ANKRD17: variants seen among roughly 807,000 people sequenced by gnomAD.
The protein encoded by ANKRD17 is ankyrin repeat domain 17.
A neutral mutation model predicts 229.7 loss-of-function variants in ANKRD17; 19 were observed. The ratio of observed to expected loss-of-function variants is 0.08; its 90% CI spans 0.06 to 0.12. The LOEUF (loss-of-function observed/expected upper bound fraction) is 0.12. ANKRD17 is among the 10% of genes least tolerant of loss of function. The pLI, the probability that ANKRD17 is intolerant of heterozygous loss-of-function variation, is 1.00. For synonymous variants in ANKRD17, 1,112 were observed against 1,146.1 expected, an observed-to-expected ratio of 0.97 and a Z score of 0.60; for missense variants, 2,176 against 3,176.8, an observed-to-expected ratio of 0.68 and a Z score of 7.57.
chr4:73,124,798 T>C, intron 18 of ANKRD17, 115 bp downstream of exon 18: 3 of 1,288,002 alleles, frequency 2.3e-6, no homozygotes, highest in Non-Finnish European at 3.2e-6. Flanking sequence ...TAGTTTCAGT[T>C]ATTGTGAGAA....
intron 1 of ANKRD17, among the ~76,000 whole-genome samples, chr4:73,195,127 AT>A (rs546063849): frequency 1.4e-4 from 22 of 152,006 alleles, no homozygotes; most frequent in Admixed American, 4.6e-4. Flanking sequence ...TGTGATTATA[AT>A]TTTTTTTCTT....
Position 73,079,011 on chromosome 4 carries a change from A to G in ANKRD17, c.7160-121T>C, listed in dbSNP as rs1721287302. The G allele has an allele frequency of 2.1e-5, 25 of 1,196,546 alleles. 1 individual carries two copies. In the South Asian group the frequency reaches 2.5e-4, roughly 12 times the overall value. The allele number at this position is 1,196,546 out of a possible 1,614,324, so 74.1% of individuals were successfully genotyped here. A position where few individuals can be genotyped will look rare whatever the true frequency, so the allele number is the denominator to read the frequency against. The stretch of plus-strand genomic sequence containing the variant: ...ATATTCTCAGAAAAACAAAGTGTAA[A>G]AATAATACTTAAAAATGATGCATAT... On this transcript the variant is annotated intron_variant, in intron 30 of 33. Coordinates refer to ENST00000358602, the MANE Select transcript of ANKRD17 (RefSeq NM_032217.5).
chr4:73,216,461 GCTCA>G (rs1560741301), intron 1 of ANKRD17, among the ~76,000 whole-genome samples: 3 of 152,104 alleles, frequency 2.0e-5, no homozygotes, highest in Non-Finnish European at 4.4e-5. Flanking sequence ...AATCCCTGAC[GCTCA>G]AATTTTCCTG....
At chr4:73,206,606 G>A (rs1339375429) in intron 1 of ANKRD17, among the ~76,000 whole-genome samples, 1 of 152,146 alleles carries the variant, frequency 6.6e-6, no homozygotes, top group Admixed American at 6.5e-5. Flanking sequence ...CTTATATGTA[G>A]AATCTAAAAA....
chr4:73,218,155 A>G (rs1741339032), intron 1 of ANKRD17, among the ~76,000 whole-genome samples: 1 of 152,254 alleles, frequency 6.6e-6, no homozygotes, highest in Admixed American at 6.5e-5. Context: ...AGATTTGCAT[A>G]AAAGTGACAA....
At chr4:73,201,417 AAAT>A (rs1180319536) in intron 1 of ANKRD17, among the ~76,000 whole-genome samples, 1 of 152,110 alleles carries the variant, frequency 6.6e-6, no homozygotes, top group Admixed American at 6.5e-5. Flanking sequence ...ACAATCACCA[AAAT>A]AATGATTTTC....
intron 24 of ANKRD17, chr4:73,103,972 T>G (rs1724310098): frequency 6.6e-6 from 1 of 152,164 alleles, no homozygotes; most frequent in South Asian, 2.1e-4. Context: ...CCACCAGGTT[T>G]TTACACCCTG....
At chr4:73,186,850 G>A (rs187902428) in intron 1 of ANKRD17, among the ~76,000 whole-genome samples, 1 of 152,174 alleles carries the variant, frequency 6.6e-6, no homozygotes, top group African/African-American at 2.4e-5. Context: ...ATCAATAGTA[G>A]GATGCAATTC....
At chr4:73,250,608 A>AAAAAAAAAAAAAAAG (rs1361325726) in intron 1 of ANKRD17, among the ~76,000 whole-genome samples, 1 of 149,238 alleles carries the variant, frequency 6.7e-6, no homozygotes, top group African/African-American at 2.5e-5. Context: ...AAAAAAAAAA[A>AAAAAAAAAAAAAAAG]AAAAAAACAG....
intron 25 of ANKRD17, 34 bp downstream of exon 25, chr4:73,102,342 T>C (rs999060803): frequency 6.4e-7 from 1 of 1,559,992 alleles, no homozygotes; most frequent in Non-Finnish European, 8.6e-7. Context: ...AACTAGAATA[T>C]AAAACAAATG....
At position 73,160,826 on chromosome 4, in the gene ANKRD17, T is replaced by C. The variant is rs529870379; in HGVS notation, c.704+366A>G. The stretch of plus-strand genomic sequence containing the variant: ...GCAAATGAACTGTAAAATGGCCTAA[T>C]TGTAAAACATTTACTTCTTTGTCAC... On this transcript the variant is annotated intron_variant, in intron 3 of 33. Transcript: ENST00000358602. Among the ~76,000 whole-genome samples the C allele has an allele frequency of 1.4e-4, 22 of 152,368 alleles. No individual in the cohort carries two copies. In the East Asian group the frequency reaches 1.9e-3, roughly 13 times the overall value.
chr4:73,177,591 AG>A, intron 1 of ANKRD17, 58 bp from the exon 2 acceptor site: 1 of 1,348,208 alleles, frequency 7.4e-7, no homozygotes, highest in Non-Finnish European at 1.0e-6. Flanking sequence ...AAAGGAAAAG[AG>A]GGGAGAGAAA....
chr4:73,181,507 C>A (rs942191650), intron 1 of ANKRD17, among the ~76,000 whole-genome samples: 1 of 152,110 alleles, frequency 6.6e-6, no homozygotes, highest in African/African-American at 2.4e-5. Flanking sequence ...TGAAGAGAGA[C>A]TGGCATAAAG....
intron 1 of ANKRD17, among the ~76,000 whole-genome samples, chr4:73,235,043 T>A (rs1488516641): frequency 6.6e-6 from 1 of 152,162 alleles, no homozygotes; most frequent in African/African-American, 2.4e-5. Context: ...CCATGAACTT[T>A]CTATCTTCTT....
intron 30 of ANKRD17, among the ~76,000 whole-genome samples, chr4:73,082,432 C>A (rs1451643141): frequency 6.6e-6 from 1 of 151,932 alleles, no homozygotes; most frequent in East Asian, 1.9e-4. Flanking sequence ...ATTGAGGCTG[C>A]AGTAAGCTAT....
At chr4:73,099,840 C>T (rs1319469976) in intron 25 of ANKRD17, among the ~76,000 whole-genome samples, 1 of 152,172 alleles carries the variant, frequency 6.6e-6, no homozygotes, top group Non-Finnish European at 1.5e-5. Flanking sequence ...CGTTGCCCTC[C>T]ACCTGGGATC....
intron 1 of ANKRD17, among the ~76,000 whole-genome samples, chr4:73,194,380 C>T (rs900671161): frequency 6.6e-6 from 1 of 152,176 alleles, no homozygotes; most frequent in Non-Finnish European, 1.5e-5. Context: ...ATTGCCTTGG[C>T]ATCTCTGTCA....
chr4:73,167,967 G>T (rs916586350), intron 2 of ANKRD17, among the ~76,000 whole-genome samples: 1 of 151,864 alleles, frequency 6.6e-6, no homozygotes, highest in African/African-American at 2.4e-5. Context: ...CCTGGCTAAC[G>T]CAGCGAAACC....
Position 73,161,074 on chromosome 4 carries a change from T to C in ANKRD17, c.704+118A>G, listed in dbSNP as rs990430717. 23 of 1,249,614 alleles carry C rather than the reference T, an allele frequency of 1.8e-5. No homozygotes were observed. In the Middle Eastern group the frequency reaches 6.6e-4, roughly 36 times the overall value. The allele number at this position is 1,249,614 out of a possible 1,614,324, so 77.4% of individuals were successfully genotyped here. ...TTGTGAATCTAAATAAGACATCACA[T>C]GTTAAGTGGTTAGCACAGTGCCAGC... On this transcript the variant is annotated intron_variant, in intron 3 of 33. Coordinates refer to ENST00000358602, the MANE Select transcript of ANKRD17 (RefSeq NM_032217.5).
Sources: gnomAD v4.1 joint callset for allele counts (sites outside exome capture counted in the v4.1 genomes callset) on GRCh38, gnomAD v4.1.1 for gene constraint, MANE v1.5 for transcripts, NCBI Gene and HGNC (gene_info 2026-07-23, HGNC 2026-07-21) for gene names.